TUNAR: variants seen among roughly 807,000 people sequenced by gnomAD.
TUNAR encodes transmembrane neural differentiation associated intracellular calcium regulator, also known as protein TUNAR.
chr14:95,915,908 T>C (rs4905405), intron 2 of TUNAR, among the ~76,000 whole-genome samples: 17,343 of 152,290 alleles, frequency 0.11, 1,131 homozygotes, highest in South Asian at 0.22. Context: ...ACTCTGTCTT[T>C]CCAGAAAAGT....
At chr14:95,921,146 T>C (rs1319288763) in intron 2 of TUNAR, among the ~76,000 whole-genome samples, 1 of 152,214 alleles carries the variant, frequency 6.6e-6, no homozygotes, top group Non-Finnish European at 1.5e-5. Context: ...GATTGGTCAG[T>C]CACCACCCAC....
chr14:95,901,580 C>G (rs1889354386), intron 2 of TUNAR, among the ~76,000 whole-genome samples: 1 of 152,216 alleles, frequency 6.6e-6, no homozygotes, highest in Admixed American at 6.5e-5. Flanking sequence ...TGGCGCCTAG[C>G]AGGGCCATCG....
At chr14:95,903,065 C>T (rs1889380659) in intron 2 of TUNAR, among the ~76,000 whole-genome samples, 1 of 152,108 alleles carries the variant, frequency 6.6e-6, no homozygotes, top group Admixed American at 6.5e-5. Context: ...GGCATTGTTA[C>T]TCCATTTTGT....
intron 2 of TUNAR, among the ~76,000 whole-genome samples, chr14:95,908,519 C>T (rs932911590): frequency 1.3e-5 from 2 of 152,244 alleles, no homozygotes; most frequent in Non-Finnish European, 2.9e-5. Context: ...CTCTCATATA[C>T]GCTGCCTCGT....
At chr14:95,914,329 C>T (rs914484439) in intron 2 of TUNAR, among the ~76,000 whole-genome samples, 10 of 152,064 alleles carry the variant, frequency 6.6e-5, no homozygotes, top group Non-Finnish European at 7.4e-5. Flanking sequence ...AATACTAAGT[C>T]CTATTCTTGG....
intron 2 of TUNAR, among the ~76,000 whole-genome samples, chr14:95,882,594 C>G (rs1254385031): frequency 6.6e-6 from 1 of 152,174 alleles, no homozygotes; most frequent in Non-Finnish European, 1.5e-5. Flanking sequence ...CTTGGCAGAC[C>G]TGCATTTTTG....
At chr14:95,889,898 G>T (rs1889144954) in intron 2 of TUNAR, among the ~76,000 whole-genome samples, 1 of 151,074 alleles carries the variant, frequency 6.6e-6, no homozygotes, top group Non-Finnish European at 1.5e-5. Context: ...CTTTTTACTG[G>T]TGAGCATTTC....
chr14:95,912,716 G>T (rs894061669), intron 2 of TUNAR, among the ~76,000 whole-genome samples: 2 of 152,176 alleles, frequency 1.3e-5, no homozygotes, highest in Non-Finnish European at 2.9e-5. Flanking sequence ...AAAATTATTT[G>T]CAGTCATAAG....
chr14:95,905,477 T>C (rs1889416579), intron 2 of TUNAR, among the ~76,000 whole-genome samples: 1 of 152,208 alleles, frequency 6.6e-6, no homozygotes, highest in East Asian at 1.9e-4. Flanking sequence ...AAGTTCTTTT[T>C]TGGACTGAGG....
chr14:95,921,770 A>T (rs1022680746), intron 2 of TUNAR, among the ~76,000 whole-genome samples: 8 of 152,198 alleles, frequency 5.3e-5, no homozygotes, highest in African/African-American at 1.9e-4. Context: ...ATCAAATAGC[A>T]CATGTCTAAA....
intron 2 of TUNAR, among the ~76,000 whole-genome samples, chr14:95,919,971 C>A (rs754861055): frequency 4.6e-5 from 7 of 152,092 alleles, no homozygotes; most frequent in Non-Finnish European, 1.0e-4. Context: ...ATGTTCATAG[C>A]AGCATTATTC....
intron 2 of TUNAR, among the ~76,000 whole-genome samples, chr14:95,879,841 A>G (rs924079305): frequency 2.0e-5 from 3 of 152,212 alleles, no homozygotes; most frequent in African/African-American, 7.2e-5. Flanking sequence ...TAAGTAAATA[A>G]CAGTGATGAG....
exon 3 of TUNAR, chr14:95,922,884 G>A: frequency 2.5e-6 from 1 of 399,096 alleles, no homozygotes; most frequent in Non-Finnish European, 4.4e-6. Context: ...AAAGAGGAGA[G>A]TGTCTTGGCA....
At chr14:95,883,422 T>C (rs919096487) in intron 2 of TUNAR, among the ~76,000 whole-genome samples, 3 of 152,170 alleles carry the variant, frequency 2.0e-5, no homozygotes, top group Non-Finnish European at 4.4e-5. Flanking sequence ...CATCATCCTT[T>C]CCTCAGACAG....
intron 2 of TUNAR, among the ~76,000 whole-genome samples, chr14:95,916,727 G>A (rs555554623): frequency 6.6e-6 from 1 of 152,206 alleles, no homozygotes; most frequent in African/African-American, 2.4e-5. Flanking sequence ...AGTATCCACT[G>A]ATACTCCTGC....
intron 2 of TUNAR, among the ~76,000 whole-genome samples, chr14:95,896,499 T>G (rs1291421074): frequency 6.6e-6 from 1 of 152,158 alleles, no homozygotes; most frequent in Non-Finnish European, 1.5e-5. Flanking sequence ...GGGACTTCCA[T>G]GAAGGGACTG....
rs568468493 is a variant in TUNAR at position 95,884,953 on chromosome 14, AG to A, written c.12+7777del. 2.6e-5 allele frequency among the ~76,000 whole-genome samples: 4 copies of A among 152,210 alleles called. No individual in the cohort carries two copies. The South Asian group carries it at 8.3e-4, about 32-fold the overall frequency. ...AGCAGCCCTCTTGGGGCCTAGGTTA[AG>A]CAAACTGCACTCGAAAGGATCAATC... On this transcript the variant is annotated intron_variant, in intron 2 of 2. Transcript: ENST00000678517.
chr14:95,880,963 G>T (rs1220645022), intron 2 of TUNAR, among the ~76,000 whole-genome samples: 1 of 152,190 alleles, frequency 6.6e-6, no homozygotes, highest in African/African-American at 2.4e-5. Context: ...GTCTTTCTTA[G>T]TCTCTAATAA....
chr14:95,912,447 C>T (rs182722380), intron 2 of TUNAR, among the ~76,000 whole-genome samples: 2,651 of 152,224 alleles, frequency 0.017, 28 homozygotes, highest in Non-Finnish European at 0.026. Flanking sequence ...ATGGAATTTT[C>T]TCTATTAAAG....
Sources: gnomAD v4.1 joint callset for allele counts (sites outside exome capture counted in the v4.1 genomes callset) on GRCh38, gnomAD v4.1.1 for gene constraint, MANE v1.5 for transcripts, NCBI Gene and HGNC (gene_info 2026-07-23, HGNC 2026-07-21) for gene names.